SGCZ: variants seen among roughly 807,000 people sequenced by gnomAD.
SGCZ encodes the protein zeta-sarcoglycan.
SGCZ carries 40 observed loss-of-function variants against 41.3 expected under a neutral mutation model. The ratio of observed to expected loss-of-function variants is 0.97; its 90% CI spans 0.75 to 1.26. The LOEUF (loss-of-function observed/expected upper bound fraction) is 1.26, where lower values mean the gene tolerates loss of function less well. Ranked by LOEUF, SGCZ falls within the 50% of genes most tolerant of loss-of-function variation. The pLI is 0.00. For missense variants in SGCZ, 552 were observed against 369.8 expected (o/e 1.49, Z -4.04); for synonymous variants, 206 against 137.5 (o/e 1.50, Z -3.49).
intron 5 of SGCZ, among the ~76,000 whole-genome samples, chr8:14,155,188 T>G (rs986491103): frequency 6.6e-5 from 10 of 152,212 alleles, no homozygotes; most frequent in Non-Finnish European, 8.8e-5. Context: ...TCTCAATTTT[T>G]CCTTGATTCC....
At chr8:14,142,579 T>C (rs1324811325) in intron 5 of SGCZ, among the ~76,000 whole-genome samples, 1 of 152,164 alleles carries the variant, frequency 6.6e-6, no homozygotes, top group African/African-American at 2.4e-5. Flanking sequence ...AGAGTGGTTC[T>C]AGAACTTTGC....
chr8:15,022,578 A>G lies in SGCZ; in HGVS notation c.39+215007T>C, dbSNP rs1477259383. Among the ~76,000 whole-genome samples, 7 of 152,060 alleles carry G rather than the reference A, an allele frequency of 4.6e-5. 1 individual carries two copies. The highest frequency in any genetic ancestry group is 1.7e-4 in the African/African-American group (7 of 41,398). On this transcript the variant is annotated intron_variant, in intron 1 of 7. Transcript: ENST00000382080. The stretch of plus-strand genomic sequence containing the variant: ...AGGATGGTCTCGATCTCTTGACCTC[A>G]TGATGCACCCGCCTCGGCCTCACAA...
chr8:14,273,238 G>C (rs1287607778), intron 3 of SGCZ, among the ~76,000 whole-genome samples: 8 of 152,084 alleles, frequency 5.3e-5, no homozygotes, highest in East Asian at 1.9e-4. Flanking sequence ...GCATATGTTA[G>C]CCTCTTTATA....
intron 2 of SGCZ, among the ~76,000 whole-genome samples, chr8:14,484,757 T>C (rs1801627921): frequency 6.6e-6 from 1 of 152,222 alleles, no homozygotes; most frequent in East Asian, 1.9e-4. Flanking sequence ...TTTCTGTCAT[T>C]CATTAATATG....
chr8:14,208,760 C>T (rs1036011059), intron 4 of SGCZ, among the ~76,000 whole-genome samples: 9 of 152,028 alleles, frequency 5.9e-5, no homozygotes, highest in Non-Finnish European at 1.2e-4. Flanking sequence ...GGTAATTTAT[C>T]TGAAGGAAAT....
At chr8:15,161,873 A>C (rs946273411) in intron 1 of SGCZ, among the ~76,000 whole-genome samples, 2 of 152,092 alleles carry the variant, frequency 1.3e-5, no homozygotes, top group Admixed American at 6.6e-5. Flanking sequence ...CATATCTATA[A>C]AAATTACAAA....
At chr8:14,611,590 A>C (rs1805932263) in intron 1 of SGCZ, among the ~76,000 whole-genome samples, 1 of 152,102 alleles carries the variant, frequency 6.6e-6, no homozygotes, top group Admixed American at 6.6e-5. Flanking sequence ...GCTGGAAAAC[A>C]TTTTCAGTGT....
chr8:15,038,415 G>A (rs1384003016), intron 1 of SGCZ, among the ~76,000 whole-genome samples: 2 of 151,680 alleles, frequency 1.3e-5, no homozygotes, highest in Non-Finnish European at 2.9e-5. Context: ...GCAGAACAAT[G>A]AAACTAGACC....
chr8:14,531,527 G>A (rs1253838565), intron 2 of SGCZ, among the ~76,000 whole-genome samples: 1 of 151,904 alleles, frequency 6.6e-6, no homozygotes, highest in Non-Finnish European at 1.5e-5. Flanking sequence ...AGCCACAAAG[G>A]AAAGACGCGA....
chr8:14,101,971 C>A (rs1215786666), intron 7 of SGCZ, among the ~76,000 whole-genome samples: 1 of 151,614 alleles, frequency 6.6e-6, no homozygotes, highest in East Asian at 1.9e-4. Context: ...CAAGCTCCGC[C>A]TCCCATGGGT....
At chr8:14,318,926 G>A (rs547786054) in intron 3 of SGCZ, among the ~76,000 whole-genome samples, 2 of 145,054 alleles carry the variant, frequency 1.4e-5, no homozygotes, top group South Asian at 4.4e-4. Flanking sequence ...AAAATTCTGA[G>A]ATTCACTATT....
At chr8:15,048,963 C>G (rs751054886) in intron 1 of SGCZ, among the ~76,000 whole-genome samples, 1 of 152,052 alleles carries the variant, frequency 6.6e-6, no homozygotes, top group Non-Finnish European at 1.5e-5. Context: ...CCAAGACAAA[C>G]GTACTTTACT....
At chr8:15,221,824 G>A (rs1801613389) in intron 1 of SGCZ, among the ~76,000 whole-genome samples, 1 of 152,104 alleles carries the variant, frequency 6.6e-6, no homozygotes, top group Non-Finnish European at 1.5e-5. Flanking sequence ...GAGAAACACT[G>A]CATTTCGTTT....
At chr8:15,135,481 G>A (rs750246432) in intron 1 of SGCZ, among the ~76,000 whole-genome samples, 15 of 151,982 alleles carry the variant, frequency 9.9e-5, no homozygotes, top group South Asian at 2.1e-4. Context: ...AAAAAGACTC[G>A]GCATCTCATT....
At chr8:15,120,443 G>T (rs1402906392) in intron 1 of SGCZ, among the ~76,000 whole-genome samples, 1 of 151,960 alleles carries the variant, frequency 6.6e-6, no homozygotes, top group Non-Finnish European at 1.5e-5. Flanking sequence ...TAGATTTATT[G>T]GTTAATTTAA....
intron 1 of SGCZ, among the ~76,000 whole-genome samples, chr8:14,566,202 G>C (rs1804353767): frequency 6.6e-6 from 1 of 152,200 alleles, no homozygotes; most frequent in South Asian, 2.1e-4. Flanking sequence ...TAAAGAGAAA[G>C]CAGTTGGACT....
At chr8:14,840,696 T>C (rs1285988444) in intron 1 of SGCZ, among the ~76,000 whole-genome samples, 1 of 152,090 alleles carries the variant, frequency 6.6e-6, no homozygotes, top group African/African-American at 2.4e-5. Context: ...AATAATTTTA[T>C]CTTGTCAGGA....
chr8:14,275,118 T>C (rs1381531126), intron 3 of SGCZ, among the ~76,000 whole-genome samples: 4 of 152,314 alleles, frequency 2.6e-5, no homozygotes, highest in South Asian at 2.1e-4. Flanking sequence ...CATGTGTCCA[T>C]AGTTATGCTG....
intron 1 of SGCZ, among the ~76,000 whole-genome samples, chr8:14,739,129 T>G (rs926980964): frequency 2.0e-5 from 3 of 152,032 alleles, no homozygotes; most frequent in African/African-American, 7.2e-5. Context: ...TCTGTGTGCG[T>G]GAGAGAGAGA....
Sources: gnomAD v4.1 joint callset for allele counts (sites outside exome capture counted in the v4.1 genomes callset) on GRCh38, gnomAD v4.1.1 for gene constraint, MANE v1.5 for transcripts, NCBI Gene and HGNC (gene_info 2026-07-23, HGNC 2026-07-21) for gene names.